The following CCDC171 variants were observed in gnomAD, a reference collection of about 807,000 sequenced individuals.
CCDC171 encodes the protein coiled-coil domain-containing protein 171.
A neutral mutation model predicts 168.2 loss-of-function variants in CCDC171; 177 were observed. The observed-to-expected ratio is 1.05, with a 90% CI of 0.93 to 1.19. CCDC171 has a LOEUF of 1.19. Ranked by LOEUF, CCDC171 falls within the 50% of genes most tolerant of loss-of-function variation. The pLI, the probability that CCDC171 is intolerant of heterozygous loss-of-function variation, is 0.00. For missense variants in CCDC171, 1,991 were observed against 1,539.0 expected, an observed-to-expected ratio of 1.29 and a Z score of -4.91; for synonymous variants, 687 against 540.8, an observed-to-expected ratio of 1.27 and a Z score of -3.75.
At chr9:15,951,575 G>A (rs1829183271) in intron 25 of CCDC171, among the ~76,000 whole-genome samples, 1 of 152,064 alleles carries the variant, frequency 6.6e-6, no homozygotes, top group African/African-American at 2.4e-5. Flanking sequence ...CTAATGGGTA[G>A]GAGGTAGTAT....
At position 16,026,728 on chromosome 9, in the gene CCDC171, A is replaced by G. The variant is rs193278845; in HGVS notation, n.998+3820A>G. ...GTTACTGGTAATAGGAAAATCATTA[A>G]AACTGGAGATATAACTAGGTAAAAA... On this transcript the variant is annotated intron_variant and non_coding_transcript_variant, in intron 6 of 9. Transcript: ENST00000486641. 6.6e-5 allele frequency among the ~76,000 whole-genome samples: 10 copies of G among 152,340 alleles called. No homozygotes were observed. The East Asian group carries it at 1.9e-3, about 29-fold the overall frequency.
chr9:15,619,332 A>G (rs1564063940), intron 6 of CCDC171, among the ~76,000 whole-genome samples: 1 of 152,238 alleles, frequency 6.6e-6, no homozygotes, highest in Non-Finnish European at 1.5e-5. Flanking sequence ...TTGTGAATGC[A>G]AAGGAAAAGT....
chr9:16,084,732 A>G, the CCDC171 span, among the ~76,000 whole-genome samples: 1 of 152,194 alleles, frequency 6.6e-6, no homozygotes. Flanking sequence ...ACATAGTCAC[A>G]GAAGATTGGA....
At chr9:15,680,808 T>A (rs1308719446) in intron 10 of CCDC171, among the ~76,000 whole-genome samples, 1 of 152,198 alleles carries the variant, frequency 6.6e-6, no homozygotes, top group African/African-American at 2.4e-5. Context: ...GTCATTGAGC[T>A]GAGTACTGCA....
In CCDC171 at chr9:15,846,747, C is replaced by A; in HGVS notation, c.3313C>A (p.Leu1105Met). ...KMELRRKDQSLRQLNRHLTQL... is the reference protein window; with the variant it reads ...KMELRRKDQSMRQLNRHLTQL... ...GGAGCTGAGAAGAAAAGATCAATCT[C>A]TGCGTCAGCTCAATAGACATCTTAC... The change falls in exon 22 of 26, where the codon CTG (leucine) becomes ATG (methionine). Residue 1105 changes from leucine to methionine, a missense_variant. By Grantham distance (15) the Leu-to-Met change is conservative. Coordinates refer to ENST00000380701, the MANE Select transcript of CCDC171 (RefSeq NM_173550.4). 1 of 1,612,966 alleles carries A rather than the reference C, an allele frequency of 6.2e-7. No homozygotes were observed. The highest frequency in any genetic ancestry group is 2.2e-5 in the East Asian group (1 of 44,836).
intron 18 of CCDC171, among the ~76,000 whole-genome samples, chr9:15,758,236 C>A (rs1011886080): frequency 2.0e-5 from 3 of 152,160 alleles, no homozygotes; most frequent in African/African-American, 4.8e-5. Flanking sequence ...GTGGAGCTGC[C>A]CAAGACCATG....
At chr9:15,856,025 A>G (rs983667383) in intron 23 of CCDC171, among the ~76,000 whole-genome samples, 2 of 151,806 alleles carry the variant, frequency 1.3e-5, no homozygotes, top group African/African-American at 4.8e-5. Context: ...TTATTTTTTC[A>G]TGTGAATTTG....
At chr9:15,911,841 A>G (rs1361519963) in intron 24 of CCDC171, among the ~76,000 whole-genome samples, 2 of 152,158 alleles carry the variant, frequency 1.3e-5, no homozygotes, top group African/African-American at 2.4e-5. Context: ...CAGGTTTGTC[A>G]AAGATCAGAT....
chr9:15,879,787 C>G (rs963434721), intron 24 of CCDC171, among the ~76,000 whole-genome samples: 1 of 152,078 alleles, frequency 6.6e-6, no homozygotes, highest in African/African-American at 2.4e-5. Context: ...TTACTATCCT[C>G]TTGCATACAT....
intron 3 of CCDC171, among the ~76,000 whole-genome samples, chr9:16,008,691 C>A (rs1299740820): frequency 1.3e-5 from 2 of 152,166 alleles, no homozygotes; most frequent in African/African-American, 4.8e-5. Flanking sequence ...TTGCCCCTGG[C>A]AAGCCTCACT....
At chr9:16,062,235 T>C (rs1833940643), downstream of CCDC171, among the ~76,000 whole-genome samples, 1 of 151,612 alleles carries the variant, frequency 6.6e-6, no homozygotes, top group African/African-American at 2.4e-5. Flanking sequence ...ACAGAGAAAG[T>C]AAGGAGATTT....
At chr9:15,943,150 T>C (rs907581089) in intron 25 of CCDC171, among the ~76,000 whole-genome samples, 1 of 152,016 alleles carries the variant, frequency 6.6e-6, no homozygotes, top group Non-Finnish European at 1.5e-5. Flanking sequence ...TTTCTCAGCA[T>C]TGTTAACAGC....
chr9:15,702,773 A>G (rs1343261902), intron 11 of CCDC171, among the ~76,000 whole-genome samples: 1 of 152,122 alleles, frequency 6.6e-6, no homozygotes, highest in Non-Finnish European at 1.5e-5. Context: ...TTGGCCTTAC[A>G]CTTTTGTGTT....
chr9:15,973,073 C>G lies in CCDC171; in HGVS notation c.*1237C>G, dbSNP rs1366689427. ...ATCAGACATTGACATTGATTAAACT[C>G]TTTAACCCTTAAAGGTTAAATCCTT... On this transcript the variant is annotated 3_prime_UTR_variant, in exon 26 of 26. Transcript: ENST00000380701. 6.6e-6 allele frequency: 1 copy of G among 152,158 alleles called. No homozygotes were observed. The highest frequency in any genetic ancestry group is 1.5e-5 in the Non-Finnish European group (1 of 68,028). The allele number at this position is 152,158 out of a possible 1,614,324, so 9.4% of individuals were successfully genotyped here.
the CCDC171 span, among the ~76,000 whole-genome samples, chr9:16,089,124 T>G: frequency 4.6e-5 from 7 of 152,086 alleles, no homozygotes; most frequent in African/African-American, 1.7e-4. Context: ...TATTCCCTAT[T>G]TAATAAATGG....
chr9:16,107,936 T>C, the CCDC171 span, among the ~76,000 whole-genome samples: 2 of 152,174 alleles, frequency 1.3e-5, no homozygotes, highest in Non-Finnish European at 2.9e-5. Flanking sequence ...TTATACATAA[T>C]GTAACTATTA....
At position 15,637,027 on chromosome 9, in the gene CCDC171, G is replaced by C. The variant is rs148801933; in HGVS notation, c.822+13614G>C. On this transcript the variant is annotated intron_variant, in intron 7 of 25. Transcript: ENST00000380701. ...TCCCAGCACTTTGGGAGGCTGAGGT[G>C]GGCCTATCACTTGAGGTCAGGAGTT... 4.1e-3 allele frequency among the ~76,000 whole-genome samples: 630 copies of C among 152,112 alleles called. 4 individuals are homozygous for C. Among genetic ancestry groups the C allele is most frequent in the African/African-American group, 0.015 (605 of 41,504 alleles).
intron 3 of CCDC171, among the ~76,000 whole-genome samples, chr9:15,984,420 A>G (rs1403868517): frequency 6.6e-6 from 1 of 151,620 alleles, no homozygotes; most frequent in Non-Finnish European, 1.5e-5. Flanking sequence ...GTGTGTGTGT[A>G]CATATATATG....
At chr9:15,933,368 T>A (rs2132173904) in intron 25 of CCDC171, among the ~76,000 whole-genome samples, 1 of 152,056 alleles carries the variant, frequency 6.6e-6, no homozygotes, top group African/African-American at 2.4e-5. Flanking sequence ...TGATGTCTTC[T>A]TTTTAATCTC....
Sources: allele counts gnomAD v4.1 joint callset (sites outside exome capture counted in the v4.1 genomes callset), GRCh38; gene constraint gnomAD v4.1.1; transcripts MANE v1.5; gene names NCBI Gene and HGNC (gene_info 2026-07-23, HGNC 2026-07-21).